BCL2: variants seen among roughly 807,000 people sequenced by gnomAD.
The protein encoded by BCL2 is BCL2 apoptosis regulator.
In BCL2, 1 loss-of-function variant was observed where a neutral mutation model predicts 14.2. The ratio of observed to expected loss-of-function variants is 0.07; its 90% CI spans 0.02 to 0.33. The LOEUF is 0.33. Ranked by LOEUF, BCL2 falls within the 10% of genes least tolerant of loss-of-function variation. BCL2 has a pLI of 0.99. For synonymous variants in BCL2, 151 were observed against 137.2 expected (o/e 1.10, Z -0.70); for missense variants, 247 against 305.9 (o/e 0.81, Z 1.44).
At chr18:63,293,381 T>C (rs1031588459) in intron 2 of BCL2, among the ~76,000 whole-genome samples, 1 of 152,342 alleles carries the variant, frequency 6.6e-6, no homozygotes, top group Non-Finnish European at 1.5e-5. Context: ...ATTTTCAGCA[T>C]AGGAAAATCC....
At chr18:63,212,857 C>T (rs1440096543) in intron 2 of BCL2, among the ~76,000 whole-genome samples, 4 of 146,334 alleles carry the variant, frequency 2.7e-5, no homozygotes, top group South Asian at 2.3e-4. Context: ...GCCTGGGCAA[C>T]GGAGCGAGAC....
chr18:63,232,727 C>T (rs746617149), intron 2 of BCL2, among the ~76,000 whole-genome samples: 1 of 152,368 alleles, frequency 6.6e-6, no homozygotes. Context: ...CGCCTACCAA[C>T]CTTTATGATG....
intron 2 of BCL2, among the ~76,000 whole-genome samples, chr18:63,163,662 A>G (rs893017821): frequency 6.6e-6 from 1 of 152,206 alleles, no homozygotes; most frequent in African/African-American, 2.4e-5. Context: ...AAATGAAAAA[A>G]AACACACAAC....
intron 2 of BCL2, among the ~76,000 whole-genome samples, chr18:63,273,528 C>T (rs1024077351): frequency 6.6e-6 from 1 of 152,130 alleles, no homozygotes; most frequent in Non-Finnish European, 1.5e-5. Flanking sequence ...ACTTAAAAGC[C>T]TATGCTTTAA....
intron 2 of BCL2, among the ~76,000 whole-genome samples, chr18:63,263,272 T>G (rs1371337624): frequency 1.3e-5 from 2 of 152,082 alleles, no homozygotes; most frequent in Non-Finnish European, 2.9e-5. Flanking sequence ...ACCTCAAACG[T>G]TTTTCAAAAA....
chr18:63,138,704 C>T (rs1334692912), intron 2 of BCL2, among the ~76,000 whole-genome samples: 1 of 152,190 alleles, frequency 6.6e-6, no homozygotes, highest in Middle Eastern at 3.2e-3. Flanking sequence ...CAATGACATT[C>T]GTGAAACCTA....
chr18:63,317,132 A>T (rs1480445536), intron 2 of BCL2: 1 of 152,184 alleles, frequency 6.6e-6, no homozygotes, highest in Non-Finnish European at 1.5e-5. Context: ...TCATCTCACA[A>T]ATGTTCTTCA....
At chr18:63,170,466 T>C (rs1216093271) in intron 2 of BCL2, among the ~76,000 whole-genome samples, 1 of 152,214 alleles carries the variant, frequency 6.6e-6, no homozygotes, top group African/African-American at 2.4e-5. Context: ...CTTGACTTAA[T>C]CCATCCAAAG....
In BCL2 at chr18:63,162,659, G is replaced by A. The variant is rs376908591; in HGVS notation, c.586-33900C>T. On this transcript the variant is annotated intron_variant, in intron 2 of 2. Transcript: ENST00000333681. ...AGACCTTCATAATCCAGCTACTGTC[G>A]CCTGATTTTCTAGCACCATCTATGC... is the stretch of plus-strand genomic sequence containing the variant. Among the ~76,000 whole-genome samples the A allele has an allele frequency of 1.2e-3, 179 of 151,880 alleles. 5 individuals are homozygous for A. The South Asian group carries it at 0.026, about 22-fold the overall frequency.
chr18:63,285,517 C>CA (rs1912446524), intron 2 of BCL2, among the ~76,000 whole-genome samples: 1 of 152,236 alleles, frequency 6.6e-6, no homozygotes, highest in Admixed American at 6.5e-5. Context: ...ACCCTCCCCA[C>CA]AATCTTGTGA....
At position 63,266,086 on chromosome 18, in the gene BCL2, T is replaced by G. The variant is rs564135407; in HGVS notation, c.585+51996A>C. On this transcript the variant is annotated intron_variant, in intron 2 of 2. Coordinates refer to ENST00000333681, the MANE Select transcript of BCL2 (RefSeq NM_000633.3). The stretch of plus-strand genomic sequence containing the variant: ...CCAGGATTTTATCCTGCAGATCAAC[T>G]CGTATGTGTGCAAAATGATGTCTGT... Among the ~76,000 whole-genome samples, 26 of 152,140 alleles carry G rather than the reference T, an allele frequency of 1.7e-4. No homozygotes were observed. The East Asian group carries it at 4.6e-3, about 27-fold the overall frequency.
In BCL2 at chr18:63,127,369, G is replaced by T. The variant is rs549709463; in HGVS notation, c.*1256C>A. ...TCACCATGTCCTTCTGATAGGAAGG[G>T]CCCAGGGCCTCTGTTCCTTCCCTCT... On this transcript the variant is annotated 3_prime_UTR_variant, in exon 3 of 3. Coordinates refer to ENST00000333681, the MANE Select transcript of BCL2 (RefSeq NM_000633.3). 83 of 234,572 alleles carry T rather than the reference G, an allele frequency of 3.5e-4. No individual in the cohort carries two copies. In the East Asian group the frequency reaches 4.8e-3, roughly 14 times the overall value. The allele number at this position is 234,572 out of a possible 1,614,324, so 14.5% of individuals were successfully genotyped here.
chr18:63,307,337 A>C (rs1913175318), intron 2 of BCL2, among the ~76,000 whole-genome samples: 3 of 152,250 alleles, frequency 2.0e-5, no homozygotes, highest in African/African-American at 7.2e-5. Flanking sequence ...TTCCAATGAC[A>C]TGTACTTTCA....
chr18:63,224,748 C>A (rs908114429), intron 2 of BCL2, among the ~76,000 whole-genome samples: 3 of 151,986 alleles, frequency 2.0e-5, no homozygotes, highest in South Asian at 2.1e-4. Context: ...AGTGAGATAC[C>A]CCAGGATGAT....
At chr18:63,228,645 A>AT (rs879389867) in intron 2 of BCL2, among the ~76,000 whole-genome samples, 2 of 152,190 alleles carry the variant, frequency 1.3e-5, no homozygotes, top group Non-Finnish European at 2.9e-5. Context: ...ATAAATGTTT[A>AT]TTTTAATTGA....
chr18:63,185,692 G>A (rs1292516860), intron 2 of BCL2, among the ~76,000 whole-genome samples: 1 of 152,192 alleles, frequency 6.6e-6, no homozygotes, highest in East Asian at 1.9e-4. Context: ...TGTTTTATTT[G>A]TATTAATTAT....
At chr18:63,207,517 C>T (rs1208665352) in intron 2 of BCL2, 3 of 151,820 alleles carry the variant, frequency 2.0e-5, no homozygotes, top group Non-Finnish European at 4.4e-5. Flanking sequence ...TCTGATTGTT[C>T]CAGACTGCCT....
chr18:63,160,977 A>G (rs1431406129), intron 2 of BCL2, among the ~76,000 whole-genome samples: 2 of 152,170 alleles, frequency 1.3e-5, no homozygotes, highest in East Asian at 3.8e-4. Flanking sequence ...CCTGAATTCT[A>G]TGTCTTCACG....
chr18:63,237,608 C>T (rs1480614177), intron 2 of BCL2, among the ~76,000 whole-genome samples: 1 of 152,208 alleles, frequency 6.6e-6, no homozygotes, highest in Non-Finnish European at 1.5e-5. Context: ...TTACTGCCAT[C>T]CCTCAGGCTA....
Sources: gnomAD v4.1 joint callset for allele counts (sites outside exome capture counted in the v4.1 genomes callset) on GRCh38, gnomAD v4.1.1 for gene constraint, MANE v1.5 for transcripts, NCBI Gene and HGNC (gene_info 2026-07-23, HGNC 2026-07-21) for gene names.